Variants in SMAP1 observed in about 807,000 individuals in gnomAD.
SMAP1 encodes stromal membrane-associated protein 1.
In SMAP1, 24 loss-of-function variants were observed where a neutral mutation model predicts 58.5. The ratio of observed to expected loss-of-function variants is 0.41; its 90% CI spans 0.30 to 0.58. The LOEUF (loss-of-function observed/expected upper bound fraction) is 0.58, where lower values mean the gene tolerates loss of function less well. Ranked by LOEUF, SMAP1 falls within the 20% of genes least tolerant of loss-of-function variation. The probability of loss-of-function intolerance (pLI) is 0.29; values close to 1 mark genes in which losing one functional copy is unlikely to be tolerated. For synonymous variants in SMAP1, 216 were observed against 196.6 expected (o/e 1.10, Z -0.82); for missense variants, 563 against 566.3 (o/e 0.99, Z 0.06).
intron 2 of SMAP1, among the ~76,000 whole-genome samples, chr6:70,740,624 C>T (rs1485269854): frequency 1.3e-5 from 2 of 151,980 alleles, no homozygotes; most frequent in Non-Finnish European, 2.9e-5. Flanking sequence ...TTCTTTTTCT[C>T]AGTTTGGGGT....
At chr6:70,730,170 C>G (rs1445605151) in intron 1 of SMAP1, among the ~76,000 whole-genome samples, 1 of 152,148 alleles carries the variant, frequency 6.6e-6, no homozygotes, top group Non-Finnish European at 1.5e-5. Context: ...CTGCCTCAGC[C>G]TCCCAAGTAG....
intron 2 of SMAP1, among the ~76,000 whole-genome samples, chr6:70,735,967 T>C (rs932231469): frequency 6.6e-6 from 1 of 152,206 alleles, no homozygotes; most frequent in Non-Finnish European, 1.5e-5. Context: ...CATGATTTAA[T>C]CTTTGAGCCC....
chr6:70,762,606 A>G (rs1188848353), intron 3 of SMAP1, among the ~76,000 whole-genome samples: 4 of 152,178 alleles, frequency 2.6e-5, no homozygotes, highest in Non-Finnish European at 5.9e-5. Context: ...GGGTGACTCC[A>G]TGGAATTTAA....
intron 3 of SMAP1, among the ~76,000 whole-genome samples, chr6:70,758,489 G>T (rs1406328177): frequency 6.6e-6 from 1 of 151,690 alleles, no homozygotes. Flanking sequence ...CCTGCACATT[G>T]TGCACATGTA....
intron 2 of SMAP1, among the ~76,000 whole-genome samples, chr6:70,741,550 C>T (rs891721889): frequency 6.6e-6 from 1 of 152,206 alleles, no homozygotes; most frequent in Non-Finnish European, 1.5e-5. Context: ...TATAGCCTCC[C>T]TCCTGGCTGA....
chr6:70,853,622 AG>A (rs1771273535), intron 8 of SMAP1, among the ~76,000 whole-genome samples: 1 of 152,224 alleles, frequency 6.6e-6, no homozygotes. Flanking sequence ...TAGATTTCTT[AG>A]GAATGATTAA....
In SMAP1 at chr6:70,683,133, T is replaced by G. The variant is rs567474690; in HGVS notation, c.118+14992T>G. ...TACAGTTGGTGAAAATGTTATACTA[T>G]TTTGCATTTTCTTGATACTCTTAAG... is the stretch of plus-strand genomic sequence containing the variant. On this transcript the variant is annotated intron_variant, in intron 1 of 10. Coordinates refer to ENST00000370455, the MANE Select transcript of SMAP1 (RefSeq NM_001044305.3). 5.3e-5 allele frequency among the ~76,000 whole-genome samples: 8 copies of G among 152,090 alleles called. No individual in the cohort carries two copies. In the East Asian group the frequency reaches 1.3e-3, roughly 26 times the overall value.
intron 6 of SMAP1, among the ~76,000 whole-genome samples, chr6:70,804,852 C>A (rs988735847): frequency 1.3e-5 from 2 of 151,928 alleles, no homozygotes; most frequent in Non-Finnish European, 2.9e-5. Flanking sequence ...TATAGTGTTT[C>A]TGCTGAGAGA....
At chr6:70,733,659 C>A (rs117240924) in intron 2 of SMAP1, among the ~76,000 whole-genome samples, 7 of 152,196 alleles carry the variant, frequency 4.6e-5, no homozygotes, top group Admixed American at 2.6e-4. Context: ...TATAGGCATG[C>A]ACCACCATGC....
chr6:70,781,143 A>G (rs551058197), intron 4 of SMAP1, among the ~76,000 whole-genome samples: 1 of 152,184 alleles, frequency 6.6e-6, no homozygotes, highest in Non-Finnish European at 1.5e-5. Context: ...TAATTATAGG[A>G]CACCCCAATA....
At chr6:70,753,262 G>A (rs968919634) in intron 2 of SMAP1, among the ~76,000 whole-genome samples, 2 of 152,146 alleles carry the variant, frequency 1.3e-5, no homozygotes, top group Non-Finnish European at 2.9e-5. Flanking sequence ...GAGGATTGAT[G>A]AGATATAGTA....
rs1179047025 is a variant in SMAP1 at position 70,837,673 on chromosome 6, T to TA, written c.664+645_664+646insA. ...TTGTTAGCTTCTCTCTCTCTCTTTT[T>TA]TTTTTTTTACATTTTTTTCTTCTAA... is the stretch of plus-strand genomic sequence containing the variant. On this transcript the variant is annotated intron_variant, in intron 7 of 10. Coordinates refer to ENST00000370455, the MANE Select transcript of SMAP1 (RefSeq NM_001044305.3). The TA allele has an allele frequency of 5.2e-6, 3 of 582,294 alleles. No individual in the cohort carries two copies. In the East Asian group the frequency reaches 3.1e-4, roughly 60 times the overall value. The allele number at this position is 582,294 out of a possible 1,614,324, so 36.1% of individuals were successfully genotyped here.
chr6:70,858,164 A>G lies in SMAP1; in HGVS notation c.1204A>G (p.Met402Val). Residue 402 changes from methionine to valine, a missense_variant, in exon 10 of 11, where the codon ATG becomes GTG. This residue lies in a region of SMAP1 where 494 missense variants were observed against 473.8 expected (regional missense o/e 1.04). Coordinates refer to ENST00000370455, the MANE Select transcript of SMAP1 (RefSeq NM_001044305.3). ...VGPQGGMVGQMGAPQSKFGLP... is the reference protein window; with the variant it reads ...VGPQGGMVGQVGAPQSKFGLP... ...CCCCCAAGGAGGAATGGTGGGACAA[A>G]TGGGTGCACCCCAGAGTAAGTTTGG... 4 of 1,613,956 alleles carry G rather than the reference A, an allele frequency of 2.5e-6. No homozygotes were observed. The highest frequency in any genetic ancestry group is 3.4e-6 in the Non-Finnish European group (4 of 1,179,984).
chr6:70,798,561 A>G (rs970143501), intron 5 of SMAP1, 96 bp from the exon 6 acceptor site: 14 of 883,036 alleles, frequency 1.6e-5, no homozygotes, highest in Non-Finnish European at 2.2e-5. Flanking sequence ...GAATATTTCT[A>G]CCTTTTTCAG....
intron 6 of SMAP1, among the ~76,000 whole-genome samples, chr6:70,814,892 G>A (rs563657898): frequency 6.6e-6 from 1 of 152,240 alleles, no homozygotes; most frequent in African/African-American, 2.4e-5. Context: ...TGTGTTGTTA[G>A]CTTCTGTACA....
chr6:70,746,145 C>T (rs1015502106), intron 2 of SMAP1, among the ~76,000 whole-genome samples: 8 of 152,152 alleles, frequency 5.3e-5, no homozygotes, highest in African/African-American at 1.9e-4. Context: ...TCCTTTTTTC[C>T]TAATTGAATA....
intron 2 of SMAP1, among the ~76,000 whole-genome samples, chr6:70,733,388 A>G (rs1765502327): frequency 6.6e-6 from 1 of 152,330 alleles, no homozygotes; most frequent in South Asian, 2.1e-4. Context: ...TGGCTAGAGC[A>G]TAAAGGGAAA....
At chr6:70,670,618 G>C (rs1263419961) in intron 1 of SMAP1, among the ~76,000 whole-genome samples, 1 of 152,144 alleles carries the variant, frequency 6.6e-6, no homozygotes, top group Non-Finnish European at 1.5e-5. Flanking sequence ...TTACTAAGAA[G>C]TTTCATTCTG....
intron 1 of SMAP1, among the ~76,000 whole-genome samples, chr6:70,731,254 A>G (rs1351796108): frequency 1.3e-5 from 2 of 152,210 alleles, no homozygotes; most frequent in Non-Finnish European, 2.9e-5. Context: ...TTTACAAGCA[A>G]TATGTGAAAA....
Sources: gnomAD v4.1 joint callset for allele counts (sites outside exome capture counted in the v4.1 genomes callset) on GRCh38, gnomAD v4.1.1 for gene constraint, gnomAD v4.1.1 regional missense constraint, MANE v1.5 for transcripts, NCBI Gene and HGNC (gene_info 2026-07-23, HGNC 2026-07-21) for gene names.